Variants in ZNF536 observed in about 807,000 individuals in gnomAD.
The protein encoded by ZNF536 is zinc finger protein 536.
ZNF536 carries 13 observed loss-of-function variants against 84.5 expected under a neutral mutation model. The ratio of observed to expected loss-of-function variants is 0.15; its 90% CI spans 0.10 to 0.24. The LOEUF (loss-of-function observed/expected upper bound fraction) is 0.24. Ranked by LOEUF, ZNF536 falls within the 10% of genes least tolerant of loss-of-function variation. The pLI, the probability that ZNF536 is intolerant of heterozygous loss-of-function variation, is 1.00. For missense variants in ZNF536, 1,536 were observed against 1,747.5 expected (o/e 0.88, Z 2.16); for synonymous variants, 811 against 742.5 (o/e 1.09, Z -1.50).
At chr19:30,699,995 T>C (rs1339445434) in intron 1 of ZNF536, among the ~76,000 whole-genome samples, 3 of 152,116 alleles carry the variant, frequency 2.0e-5, no homozygotes, top group African/African-American at 7.2e-5. Flanking sequence ...TCTTTCTCTC[T>C]TTTTTCTCTT....
Position 30,326,580 on chromosome 19 carries a change from C to T in ZNF536, c.-119-25788C>T, listed in dbSNP as rs982539657. On this transcript the variant is annotated intron_variant, in intron 2 of 5. Transcript: ENST00000585628. The stretch of plus-strand genomic sequence containing the variant: ...AGGGCCAGGGGATGGTGACTGCCCC[C>T]GACGCATAGGTGGGTGTGGAGGAAA... Among the ~76,000 whole-genome samples, 15 of 152,076 alleles carry T rather than the reference C, an allele frequency of 9.9e-5. No individual in the cohort carries two copies. In the East Asian group the frequency reaches 1.9e-3, roughly 20 times the overall value.
chr19:30,632,600 C>T (rs1406019184), intron 1 of ZNF536, among the ~76,000 whole-genome samples: 1 of 151,976 alleles, frequency 6.6e-6, no homozygotes, highest in Admixed American at 6.6e-5. Context: ...AACGAGAATC[C>T]ATCTCAAAAC....
chr19:30,498,354 C>T (rs765559031), intron 2 of ZNF536, among the ~76,000 whole-genome samples: 5 of 152,214 alleles, frequency 3.3e-5, no homozygotes, highest in South Asian at 2.1e-4. Flanking sequence ...AACCAAACAC[C>T]GCATGTTCTC....
At position 30,444,165 on chromosome 19, in the gene ZNF536, G is replaced by A. The variant is rs2148171696; in HGVS notation, c.603G>A (p.Glu201=). The A allele has an allele frequency of 1.9e-6, 3 of 1,583,420 alleles. No individual in the cohort carries two copies. Among genetic ancestry groups the A allele is most frequent in the Non-Finnish European group, 2.6e-6 (3 of 1,167,056 alleles). The part of the protein sequence containing the change: ...RVREENRLLH[E]LEERAILRDK... The stretch of plus-strand genomic sequence containing the variant: ...GCGAGGAGAACCGCCTGCTGCACGA[G>A]CTGGAGGAGCGCGCCATCCTGCGGG... Residue 201 remains glutamate (E), a synonymous_variant, in exon 2 of 5, where the codon GAG becomes GAA. Coordinates refer to ENST00000355537, the MANE Select transcript of ZNF536 (RefSeq NM_014717.3).
chr19:30,355,396 T>A (rs888674404), intron 3 of ZNF536, among the ~76,000 whole-genome samples: 3 of 152,112 alleles, frequency 2.0e-5, no homozygotes, highest in African/African-American at 7.2e-5. Context: ...TTTATTTTAC[T>A]TTTTCATTTG....
downstream of ZNF536, among the ~76,000 whole-genome samples, chr19:30,561,735 T>C (rs1465116163): frequency 6.6e-6 from 1 of 152,176 alleles, no homozygotes; most frequent in Non-Finnish European, 1.5e-5. Flanking sequence ...CACCAGCTTT[T>C]CCTCTCCCAG....
chr19:30,640,986 ACATTCC>A (rs2049247867), intron 1 of ZNF536, among the ~76,000 whole-genome samples: 1 of 152,194 alleles, frequency 6.6e-6, no homozygotes. Flanking sequence ...GCAGCTGTAC[ACATTCC>A]CACCTGCGTA....
At chr19:30,339,491 A>T (rs1439785499) in intron 2 of ZNF536, among the ~76,000 whole-genome samples, 1 of 152,154 alleles carries the variant, frequency 6.6e-6, no homozygotes, top group Non-Finnish European at 1.5e-5. Flanking sequence ...AGTGAGCAAG[A>T]GTGGGACCAT....
intron 2 of ZNF536, among the ~76,000 whole-genome samples, chr19:30,503,346 T>A (rs1162511600): frequency 1.3e-5 from 2 of 152,170 alleles, no homozygotes; most frequent in East Asian, 3.8e-4. Flanking sequence ...TCAAAGGACA[T>A]GAGCAGGCGA....
At chr19:30,560,510 T>G (rs947580207), downstream of ZNF536, among the ~76,000 whole-genome samples, 4 of 151,966 alleles carry the variant, frequency 2.6e-5, no homozygotes, top group Non-Finnish European at 5.9e-5. Context: ...GTAAACATCA[T>G]CCATTGGATC....
intron 1 of ZNF536, among the ~76,000 whole-genome samples, chr19:30,701,055 G>C (rs565693111): frequency 6.6e-6 from 1 of 152,258 alleles, no homozygotes; most frequent in South Asian, 2.1e-4. Context: ...CGTGGATGCA[G>C]GACGCCCTTC....
intron 2 of ZNF536, among the ~76,000 whole-genome samples, chr19:30,295,885 T>C (rs2045981141): frequency 6.6e-6 from 1 of 152,214 alleles, no homozygotes; most frequent in Non-Finnish European, 1.5e-5. Context: ...TGTTTGCTCC[T>C]AGTACTGCCC....
At chr19:30,240,350 G>C (rs1342014325) in intron 1 of ZNF536, among the ~76,000 whole-genome samples, 2 of 151,362 alleles carry the variant, frequency 1.3e-5, no homozygotes, top group Non-Finnish European at 2.9e-5. Context: ...TCCAGCCTGG[G>C]TGACAGAGCA....
chr19:30,278,471 A>AAT (rs149745322), intron 1 of ZNF536, among the ~76,000 whole-genome samples: 2,500 of 152,166 alleles, frequency 0.016, 58 homozygotes, highest in African/African-American at 0.057. Flanking sequence ...TTATATATGA[A>AAT]AGGAGCTCCC....
intron 1 of ZNF536, among the ~76,000 whole-genome samples, chr19:30,570,046 A>G (rs1245908018): frequency 7.2e-5 from 11 of 152,174 alleles, no homozygotes; most frequent in African/African-American, 1.7e-4. Context: ...CTAAATGCCT[A>G]CAATGCACAG....
intron 1 of ZNF536, among the ~76,000 whole-genome samples, chr19:30,435,731 T>C (rs1024113865): frequency 6.6e-6 from 1 of 152,114 alleles, no homozygotes; most frequent in African/African-American, 2.4e-5. Context: ...TGGCTTTGTG[T>C]GGTATAGGCA....
chr19:30,264,208 C>T (rs2025376717), intron 1 of ZNF536, among the ~76,000 whole-genome samples: 1 of 152,152 alleles, frequency 6.6e-6, no homozygotes, highest in South Asian at 2.1e-4. Flanking sequence ...GCCCTCTATC[C>T]CCATCAGTAT....
At chr19:30,599,238 C>A (rs2047588571) in intron 1 of ZNF536, among the ~76,000 whole-genome samples, 1 of 96,718 alleles carries the variant, frequency 1.0e-5, no homozygotes, top group South Asian at 4.5e-4. Context: ...CTCCCTCCAC[C>A]CCTCCCCCAT....
At chr19:30,256,537 T>C (rs1184336724) in intron 1 of ZNF536, among the ~76,000 whole-genome samples, 2 of 152,122 alleles carry the variant, frequency 1.3e-5, no homozygotes, top group Non-Finnish European at 2.9e-5. Flanking sequence ...AACAGGAAAA[T>C]AGAATAGGGG....
Sources: allele counts gnomAD v4.1 joint callset (sites outside exome capture counted in the v4.1 genomes callset), GRCh38; gene constraint gnomAD v4.1.1; transcripts MANE v1.5; gene names NCBI Gene and HGNC (gene_info 2026-07-23, HGNC 2026-07-21).